Variants in NRG3 observed in about 807,000 individuals in gnomAD.
NRG3 encodes the protein pro-neuregulin-3, membrane-bound isoform.
Under a neutral mutation model 66.9 loss-of-function variants are expected in NRG3, and 31 were observed. The ratio of observed to expected loss-of-function variants is 0.46; its 90% CI spans 0.35 to 0.63. The LOEUF is 0.63. Among genes scored for constraint, NRG3 ranks in the 20% least tolerant of loss-of-function variants. NRG3 has a pLI of 0.00. For missense variants in NRG3, 910 were observed against 878.9 expected (o/e 1.04, Z -0.45); for synonymous variants, 393 against 359.4 (o/e 1.09, Z -1.06).
intron 2 of NRG3, among the ~76,000 whole-genome samples, chr10:82,594,849 C>T (rs1224890358): frequency 2.0e-5 from 3 of 151,580 alleles, no homozygotes; most frequent in Non-Finnish European, 4.4e-5. Flanking sequence ...AAATAAGGTG[C>T]CTTTGGACCC....
intron 2 of NRG3, among the ~76,000 whole-genome samples, chr10:82,509,470 G>A (rs925792577): frequency 1.3e-5 from 2 of 152,146 alleles, no homozygotes; most frequent in Non-Finnish European, 2.9e-5. Flanking sequence ...GTTAGAAAAA[G>A]CACCATATTA....
At chr10:82,947,021 A>G (rs1328981357) in intron 4 of NRG3, among the ~76,000 whole-genome samples, 4 of 152,164 alleles carry the variant, frequency 2.6e-5, no homozygotes, top group Non-Finnish European at 5.9e-5. Context: ...TGACATAAGT[A>G]TTCACCAGTG....
chr10:82,013,616 G>A (rs533966198), intron 1 of NRG3, among the ~76,000 whole-genome samples: 63 of 152,070 alleles, frequency 4.1e-4, no homozygotes, highest in African/African-American at 1.4e-3. Flanking sequence ...ATTCAACGTC[G>A]TATGTTTTTT....
At chr10:82,511,215 G>A (rs1286208988) in intron 2 of NRG3, among the ~76,000 whole-genome samples, 2 of 152,064 alleles carry the variant, frequency 1.3e-5, no homozygotes, top group African/African-American at 4.8e-5. Flanking sequence ...GTTCTACATT[G>A]TGTTGGAAAG....
Position 82,412,573 on chromosome 10 carries a change from G to A in NRG3, c.953+53705G>A, listed in dbSNP as rs556059999. 1.6e-4 allele frequency among the ~76,000 whole-genome samples: 25 copies of A among 152,116 alleles called. No homozygotes were observed. In the South Asian group the frequency reaches 5.2e-3, roughly 32 times the overall value. On this transcript the variant is annotated intron_variant, in intron 2 of 8. Coordinates refer to ENST00000372141, the MANE Select transcript of NRG3 (RefSeq NM_001010848.4). The stretch of plus-strand genomic sequence containing the variant: ...CAGGGTGGTGGTTGCTGAAGGTTAG[G>A]GTGGCTTTGTCAGTTTCTTAAAATA...
intron 1 of NRG3, among the ~76,000 whole-genome samples, chr10:82,044,835 C>T (rs541398123): frequency 6.6e-5 from 10 of 152,028 alleles, no homozygotes; most frequent in South Asian, 2.1e-4. Flanking sequence ...TTTGTCCTTG[C>T]GATAGTTTAC....
chr10:82,055,834 A>G (rs1439143638), intron 1 of NRG3, among the ~76,000 whole-genome samples: 1 of 152,204 alleles, frequency 6.6e-6, no homozygotes, highest in African/African-American at 2.4e-5. Context: ...GACTGGAGAT[A>G]AAGGCAGGTT....
At chr10:82,256,210 C>G (rs1483113661) in intron 1 of NRG3, among the ~76,000 whole-genome samples, 2 of 152,256 alleles carry the variant, frequency 1.3e-5, no homozygotes, top group Non-Finnish European at 2.9e-5. Context: ...GCGTGAGCCA[C>G]TGTGCCTGGC....
intron 2 of NRG3, among the ~76,000 whole-genome samples, chr10:82,592,582 AG>A (rs2047043917): frequency 6.6e-6 from 1 of 152,198 alleles, no homozygotes; most frequent in Non-Finnish European, 1.5e-5. Flanking sequence ...TAGCAGAGGC[AG>A]TCACTGCCAC....
At chr10:82,532,663 CA>C (rs1254300226) in intron 2 of NRG3, among the ~76,000 whole-genome samples, 4 of 149,650 alleles carry the variant, frequency 2.7e-5, no homozygotes, top group Middle Eastern at 3.6e-3. Flanking sequence ...ATATATCTCT[CA>C]TTTTTTTAAT....
In NRG3 at chr10:82,351,238, G is replaced by A. The variant is rs145586762; in HGVS notation, c.824-7501G>A. 7.7e-4 allele frequency among the ~76,000 whole-genome samples: 117 copies of A among 152,292 alleles called. 1 individual carries two copies. In the East Asian group the frequency reaches 0.021, roughly 27 times the overall value. ...TAGTAGAAGCCAGTGTGAGGTACAG[G>A]GAGACCAGACAGGAGGCTGTTTCTA... is the stretch of plus-strand genomic sequence containing the variant. On this transcript the variant is annotated intron_variant, in intron 1 of 8. Transcript: ENST00000372141.
At chr10:82,756,639 A>G (rs1314469708) in intron 3 of NRG3, among the ~76,000 whole-genome samples, 1 of 152,138 alleles carries the variant, frequency 6.6e-6, no homozygotes, top group Non-Finnish European at 1.5e-5. Flanking sequence ...ACTTATACAG[A>G]TGATAACTAA....
chr10:82,638,914 G>C (rs1167814598), intron 2 of NRG3, among the ~76,000 whole-genome samples: 3 of 151,998 alleles, frequency 2.0e-5, no homozygotes. Flanking sequence ...CAAAGTGCTG[G>C]GATTACAAGT....
chr10:82,441,151 G>T (rs972303216), intron 2 of NRG3, among the ~76,000 whole-genome samples: 1 of 152,146 alleles, frequency 6.6e-6, no homozygotes, highest in African/African-American at 2.4e-5. Context: ...AGTTTTATCT[G>T]GACACTGATT....
chr10:82,123,874 C>A (rs1462562038), intron 1 of NRG3, among the ~76,000 whole-genome samples: 1 of 150,116 alleles, frequency 6.7e-6, no homozygotes, highest in African/African-American at 2.4e-5. Context: ...GCATTAGTTT[C>A]TTCCTTGCTT....
chr10:81,979,187 C>CAA (rs34468792), intron 1 of NRG3, among the ~76,000 whole-genome samples: 144 of 81,620 alleles, frequency 1.8e-3, no homozygotes, highest in African/African-American at 3.0e-3. Context: ...GACTCCGTCT[C>CAA]AAAAAAAAAA....
At chr10:81,962,455 G>T (rs550989627) in intron 1 of NRG3, among the ~76,000 whole-genome samples, 1 of 152,204 alleles carries the variant, frequency 6.6e-6, no homozygotes, top group South Asian at 2.1e-4. Context: ...GAGCTTTGGA[G>T]TTGACACTTT....
chr10:82,786,396 G>A (rs137861677), intron 3 of NRG3, among the ~76,000 whole-genome samples: 1 of 152,196 alleles, frequency 6.6e-6, no homozygotes, highest in Non-Finnish European at 1.5e-5. Flanking sequence ...TTTTGTTGTT[G>A]GGTTTAGTAC....
chr10:82,042,304 T>C (rs1436121359), intron 1 of NRG3, among the ~76,000 whole-genome samples: 1 of 152,050 alleles, frequency 6.6e-6, no homozygotes. Flanking sequence ...AAATTTAAAA[T>C]GTAGGATTAG....
Sources: allele counts gnomAD v4.1 joint callset (sites outside exome capture counted in the v4.1 genomes callset), GRCh38; gene constraint gnomAD v4.1.1; transcripts MANE v1.5; gene names NCBI Gene and HGNC (gene_info 2026-07-23, HGNC 2026-07-21).